MAN1B1: variants seen among roughly 807,000 people sequenced by gnomAD.
MAN1B1 encodes endoplasmic reticulum mannosyl-oligosaccharide 1,2-alpha-mannosidase.
Under a neutral mutation model 75.5 loss-of-function variants are expected in MAN1B1, and 66 were observed. The ratio of observed to expected loss-of-function variants is 0.87; its 90% CI spans 0.72 to 1.07. The LOEUF is 1.07. Among genes scored for constraint, MAN1B1 ranks in the 50% least tolerant of loss-of-function variants. The pLI is 0.00. For missense variants in MAN1B1, 973 were observed against 912.5 expected (o/e 1.07, Z -0.85); for synonymous variants, 453 against 382.8 (o/e 1.18, Z -2.14).
intron 3 of MAN1B1, 73 bp from the exon 4 acceptor site, chr9:137,096,164 G>A: frequency 2.6e-6 from 4 of 1,515,156 alleles, no homozygotes; most frequent in Non-Finnish European, 3.7e-6. Context: ...TGCACCTGAG[G>A]GCGTCCCATA....
At position 137,087,077 on chromosome 9, in the gene MAN1B1, G is replaced by C. The variant is rs767186412; in HGVS notation, c.78G>C (p.Gly26=). ...QSDFLTPPVG[G]APWAVATTVV... ...ACTTCCTGACGCCGCCAGTGGGCGGGGCCCCTTGGGCCGTCGCCACCACTG... is the reference window on the plus strand; with the variant it reads ...ACTTCCTGACGCCGCCAGTGGGCGGCGCCCCTTGGGCCGTCGCCACCACTG... Residue 26 remains glycine, a synonymous_variant, in exon 1 of 13, where the codon GGG becomes GGC. Transcript: ENST00000371589. The C allele has an allele frequency of 2.4e-5, 39 of 1,601,140 alleles. No homozygotes were observed. Among genetic ancestry groups the C allele is most frequent in the Non-Finnish European group, 3.1e-5 (37 of 1,175,808 alleles).
intron 4 of MAN1B1, among the ~76,000 whole-genome samples, chr9:137,097,387 A>G (rs899206529): frequency 6.6e-6 from 1 of 152,200 alleles, no homozygotes; most frequent in Non-Finnish European, 1.5e-5. Flanking sequence ...CCTGATGGCC[A>G]TTGGACAGAA....
Position 137,099,779 on chromosome 9 carries a change from G to T in MAN1B1, c.814G>T (p.Asp272Tyr). 6.2e-7 allele frequency: 1 copy of T among 1,614,244 alleles called. No individual in the cohort carries two copies. Among genetic ancestry groups the T allele is most frequent in the Non-Finnish European group, 8.5e-7 (1 of 1,180,048 alleles). The change falls in exon 6 of 13, where the codon GAC becomes TAC. Residue 272 changes from aspartate (D) to tyrosine (Y), a missense_variant. By Grantham distance (160) the Asp-to-Tyr change is radical. Transcript: ENST00000371589. ...KGYRKFAWGH[D>Y]ELKPVSRSFS... The stretch of plus-strand genomic sequence containing the variant: ...ATACCGCAAGTTTGCATGGGGCCAT[G>T]ACGAGCTGAAGCCTGTGTCCAGGTC...
chr9:137,107,303 C>G lies in MAN1B1; in HGVS notation c.1620C>G (p.Gly540=), dbSNP rs766747336. 1 of 1,613,126 alleles carries G rather than the reference C, an allele frequency of 6.2e-7. No homozygotes were observed. Among genetic ancestry groups the G allele is most frequent in the Non-Finnish European group, 8.5e-7 (1 of 1,180,002 alleles). Residue 540 remains glycine, a synonymous_variant, in exon 11 of 13, where the codon GGC becomes GGG. Coordinates refer to ENST00000371589, the MANE Select transcript of MAN1B1 (RefSeq NM_016219.5). ...PGTLALGVYH[G]LPASHMELAQ... The stretch of plus-strand genomic sequence containing the variant: ...CGCTGGCTCTGGGCGTCTACCACGG[C>G]CTGCCCGCCAGCCACATGGAGCTGG...
At chr9:137,087,258 G>T (rs1350049488) in intron 1 of MAN1B1, 40 bp downstream of exon 1, 2 of 1,544,160 alleles carry the variant, frequency 1.3e-6, no homozygotes, top group East Asian at 4.9e-5. Flanking sequence ...CGGGGCTGCC[G>T]TGCCCGCCGC....
At chr9:137,107,754 T>G in intron 12 of MAN1B1, 92 bp downstream of exon 12, 1 of 1,594,590 alleles carries the variant, frequency 6.3e-7, no homozygotes, top group Non-Finnish European at 8.6e-7. Flanking sequence ...CTCTTGGTGG[T>G]GGCTGTGACC....
intron 3 of MAN1B1, 150 bp downstream of exon 3, chr9:137,089,155 G>A (rs1044240112): frequency 1.0e-6 from 1 of 978,068 alleles, no homozygotes; most frequent in Non-Finnish European, 1.6e-6. Flanking sequence ...TAATACTTGG[G>A]GAAAGAGAGG....
In MAN1B1 at chr9:137,106,043, G is replaced by A. The variant is rs749218782; in HGVS notation, c.1255-82G>A. The A allele has an allele frequency of 3.4e-5, 38 of 1,108,318 alleles. No individual in the cohort carries two copies. In the African/African-American group the frequency reaches 3.5e-4, roughly 10 times the overall value. The allele number at this position is 1,108,318 out of a possible 1,614,324, so 68.7% of individuals were successfully genotyped here. On this transcript the variant is annotated intron_variant, in intron 8 of 12. Coordinates refer to ENST00000371589, the MANE Select transcript of MAN1B1 (RefSeq NM_016219.5). ...TCAGTCGGTGCTGGGGCGAGGGGAG[G>A]CAGAGCTCACAGAGCCCCTCTACAG...
chr9:137,105,697 T>G, intron 8 of MAN1B1: 1 of 347,444 alleles, frequency 2.9e-6, no homozygotes, highest in Non-Finnish European at 5.6e-6. Context: ...CAGGAGGGCG[T>G]GGAGCCGAGG....
chr9:137,102,464 G>A (rs62584549), intron 8 of MAN1B1: 8 of 424,196 alleles, frequency 1.9e-5, no homozygotes, highest in Non-Finnish European at 3.7e-5. Flanking sequence ...CAGGTCGGTG[G>A]TGTTACACAC....
At chr9:137,089,957 G>A (rs1181298845) in intron 3 of MAN1B1, among the ~76,000 whole-genome samples, 5 of 152,112 alleles carry the variant, frequency 3.3e-5, no homozygotes, top group African/African-American at 1.2e-4. Flanking sequence ...GGGGAGACAG[G>A]TTTTAGGAGT....
intron 5 of MAN1B1, 82 bp downstream of exon 5, chr9:137,098,019 T>A: frequency 9.0e-7 from 1 of 1,108,090 alleles, no homozygotes; most frequent in Non-Finnish European, 1.3e-6. Context: ...TCAGCCATGG[T>A]GGGTGGCGCC....
rs745436334 is a variant in MAN1B1, at chr9:137,106,712, C to T, written c.1469C>T (p.Ala490Val). ...ETQLLEDYVE[A>V]IEGVRTHLLR... ...AGGCTGCTGGAAGACTACGTGGAAG[C>T]CATCGAGGGTGTCAGAACGCACCTG... Residue 490 changes from alanine (A) to valine (V), a missense_variant, in exon 10 of 13, where the codon GCC (alanine) becomes GTC (valine). Transcript: ENST00000371589. 1 of 1,613,496 alleles carries T rather than the reference C, an allele frequency of 6.2e-7. No individual in the cohort carries two copies. Among genetic ancestry groups the T allele is most frequent in the South Asian group, 1.1e-5 (1 of 91,088 alleles).
Position 137,088,703 on chromosome 9 carries a change from A to T in MAN1B1, c.329-166A>T. On this transcript the variant is annotated intron_variant, in intron 2 of 12. Coordinates refer to ENST00000371589, the MANE Select transcript of MAN1B1 (RefSeq NM_016219.5). ...GGACACAAACTGCCAAGTGTTTTGAAAAAGATTTCATTCCCTTGGGACATT... is the reference window on the plus strand; with the variant it reads ...GGACACAAACTGCCAAGTGTTTTGATAAAGATTTCATTCCCTTGGGACATT... 3 of 858,288 alleles carry T rather than the reference A, an allele frequency of 3.5e-6. No individual in the cohort carries two copies. In the South Asian group the frequency reaches 4.6e-5, roughly 13 times the overall value. 53.2% of individuals were successfully genotyped at this position (858,288 alleles called of 1,614,324 possible).
rs188770702 is a variant in MAN1B1, at chr9:137,095,901, G to A, written c.466-336G>A. 8.3e-4 allele frequency among the ~76,000 whole-genome samples: 127 copies of A among 152,316 alleles called. 1 individual carries two copies. The highest frequency in any genetic ancestry group is 3.0e-3 in the African/African-American group (123 of 41,560). ...TGCCTCACTTTGCAGATGACTGTGC[G>A]GGAGGCCTGGGGACCCAGAGGTGTT... On this transcript the variant is annotated intron_variant, in intron 3 of 12. Transcript: ENST00000371589.
At chr9:137,098,852 A>T (rs936732996) in intron 5 of MAN1B1, among the ~76,000 whole-genome samples, 1 of 152,082 alleles carries the variant, frequency 6.6e-6, no homozygotes, top group Non-Finnish European at 1.5e-5. Context: ...CAAAAAAAAA[A>T]GAAATTTATA....
Position 137,088,065 on chromosome 9 carries a change from C to T in MAN1B1, c.220-10C>T, listed in dbSNP as rs1390591494. The T allele has an allele frequency of 1.5e-5, 24 of 1,600,128 alleles. No individual in the cohort carries two copies. The highest frequency in any genetic ancestry group is 8.9e-5 in the East Asian group (4 of 44,828). ...TCAGTAAGAAATGTCATTCTCTGTA[C>T]CTCCCTTAGAAATGGAAGCAACTGT... On this transcript the variant is annotated splice_polypyrimidine_tract_variant and intron_variant, in intron 1 of 12. Coordinates refer to ENST00000371589, the MANE Select transcript of MAN1B1 (RefSeq NM_016219.5).
chr9:137,106,067 A>G (rs1353770445), intron 8 of MAN1B1, 58 bp from the exon 9 acceptor site: 1 of 1,405,914 alleles, frequency 7.1e-7, no homozygotes. Flanking sequence ...GCCCCTCTAC[A>G]GCTCACCCTG....
chr9:137,099,380 C>T (rs1830744276), intron 5 of MAN1B1, among the ~76,000 whole-genome samples: 2 of 152,276 alleles, frequency 1.3e-5, no homozygotes, highest in Admixed American at 1.3e-4. Flanking sequence ...CAGAGGCCAC[C>T]GAGGCCCAAG....
Sources: allele counts gnomAD v4.1 joint callset (sites outside exome capture counted in the v4.1 genomes callset), GRCh38; gene constraint gnomAD v4.1.1; transcripts MANE v1.5; gene names NCBI Gene and HGNC (gene_info 2026-07-23, HGNC 2026-07-21).